Variants in IQSEC1 observed in about 807,000 individuals in gnomAD.
IQSEC1 encodes the protein IQ motif and SEC7 domain-containing protein 1.
In IQSEC1, 31 loss-of-function variants were observed where a neutral mutation model predicts 91.0. The ratio of observed to expected loss-of-function variants is 0.34; its 90% CI spans 0.26 to 0.46. The LOEUF is 0.46. IQSEC1 is among the 20% of genes least tolerant of loss of function. IQSEC1 has a pLI of 1.00. For missense variants in IQSEC1, 1,388 were observed against 1,575.6 expected, an observed-to-expected ratio of 0.88 and a Z score of 2.02; for synonymous variants, 699 against 662.6, an observed-to-expected ratio of 1.05 and a Z score of -0.84.
chr3:13,251,846 G>T (rs1474571704), intron 1 of IQSEC1, among the ~76,000 whole-genome samples: 1 of 152,200 alleles, frequency 6.6e-6, no homozygotes, highest in Non-Finnish European at 1.5e-5. Flanking sequence ...AGAATTAGAG[G>T]CCAGGCAGGA....
Position 12,962,118 on chromosome 3 carries a change from G to A in IQSEC1, c.24-20253C>T, listed in dbSNP as rs118075831. ...ACGCCAGGGCTCTAGGGAGGCAGAC[G>A]ACCAACGGTCAATCAGGGCCAGTTC... is the stretch of plus-strand genomic sequence containing the variant. On this transcript the variant is annotated intron_variant, in intron 1 of 13. Transcript: ENST00000613206. 2.5e-4 allele frequency among the ~76,000 whole-genome samples: 38 copies of A among 152,326 alleles called. 1 individual carries two copies. The East Asian group carries it at 4.0e-3, about 16-fold the overall frequency.
At chr3:12,925,504 C>T (rs1697044086) in intron 3 of IQSEC1, among the ~76,000 whole-genome samples, 1 of 152,228 alleles carries the variant, frequency 6.6e-6, no homozygotes, top group Non-Finnish European at 1.5e-5. Flanking sequence ...CAACGACGCA[C>T]TCAGTAAGCA....
At chr3:13,080,195 T>C (rs1343881244) in intron 2 of IQSEC1, among the ~76,000 whole-genome samples, 6 of 152,052 alleles carry the variant, frequency 3.9e-5, no homozygotes, top group African/African-American at 7.2e-5. Context: ...GATCCCCTCA[T>C]GGGGGAAGGA....
chr3:13,169,903 T>C (rs1303068787), intron 1 of IQSEC1, among the ~76,000 whole-genome samples: 1 of 152,072 alleles, frequency 6.6e-6, no homozygotes, highest in Non-Finnish European at 1.5e-5. Context: ...AGCCTGACAA[T>C]GAGATAGAAA....
intron 1 of IQSEC1, among the ~76,000 whole-genome samples, chr3:13,037,593 G>C (rs1318049353): frequency 6.6e-6 from 1 of 152,152 alleles, no homozygotes; most frequent in Admixed American, 6.5e-5. Flanking sequence ...ACACAATAGT[G>C]AACAGGTGGG....
intron 2 of IQSEC1, among the ~76,000 whole-genome samples, chr3:13,125,608 C>T (rs760397908): frequency 6.6e-6 from 1 of 152,226 alleles, no homozygotes; most frequent in Non-Finnish European, 1.5e-5. Flanking sequence ...CTCTTAGAAG[C>T]TGTGTCCTTG....
At chr3:13,076,580 C>T (rs1559250254), upstream of IQSEC1, among the ~76,000 whole-genome samples, 1 of 152,146 alleles carries the variant, frequency 6.6e-6, no homozygotes, top group Non-Finnish European at 1.5e-5. Flanking sequence ...CAGAGCTCTT[C>T]AAGGCAGGGA....
At chr3:12,946,525 C>T (rs7645581) in intron 1 of IQSEC1, among the ~76,000 whole-genome samples, 5,114 of 152,200 alleles carry the variant, frequency 0.034, 273 homozygotes, top group African/African-American at 0.12. Flanking sequence ...GCAGTACATA[C>T]GAGGATGTCC....
intron 2 of IQSEC1, among the ~76,000 whole-genome samples, chr3:13,082,781 C>T (rs1480748252): frequency 1.3e-5 from 2 of 152,224 alleles, no homozygotes; most frequent in African/African-American, 2.4e-5. Context: ...GCGGACGCCT[C>T]CCCCTGCCCC....
intron 1 of IQSEC1, among the ~76,000 whole-genome samples, chr3:13,066,460 T>G (rs1386419155): frequency 6.6e-6 from 1 of 152,142 alleles, no homozygotes; most frequent in Non-Finnish European, 1.5e-5. Context: ...CCCATTTGCC[T>G]GGGGGAGTCA....
chr3:12,989,009 A>G (rs1377843296), intron 1 of IQSEC1, among the ~76,000 whole-genome samples: 1 of 152,266 alleles, frequency 6.6e-6, no homozygotes, highest in African/African-American at 2.4e-5. Flanking sequence ...AGCAGGGCCA[A>G]GACTAGAATC....
At chr3:12,978,150 G>A (rs900834966) in intron 1 of IQSEC1, among the ~76,000 whole-genome samples, 8 of 152,194 alleles carry the variant, frequency 5.3e-5, no homozygotes, top group African/African-American at 1.4e-4. Flanking sequence ...TACAAGGTGC[G>A]GATTGTTTTC....
intron 1 of IQSEC1, among the ~76,000 whole-genome samples, chr3:13,260,060 C>G (rs925487731): frequency 1.3e-5 from 2 of 152,180 alleles, no homozygotes; most frequent in African/African-American, 2.4e-5. Flanking sequence ...CAGGAAGCAG[C>G]CTTGGCTCAC....
rs776467062 is a variant in IQSEC1, at chr3:12,913,472, C to T, written c.2272G>A (p.Gly758Arg). 2.6e-5 allele frequency: 42 copies of T among 1,606,920 alleles called. No individual in the cohort carries two copies. Among genetic ancestry groups the T allele is most frequent in the Non-Finnish European group, 3.1e-5 (37 of 1,175,726 alleles). The part of the protein sequence containing the change: ...VPDPNKPQKL[G>R]LHQREIFLFN... Reference sequence around the variant, plus strand: ...AGGAAGATTTCTCGCTGGTGTAGTCCGAGTTTCTGGGGCTTGTTTGGGTCT... The same window carrying T: ...AGGAAGATTTCTCGCTGGTGTAGTCTGAGTTTCTGGGGCTTGTTTGGGTCT... The change falls in exon 9 of 14, where the codon GGA (glycine) becomes AGA (arginine). Residue 758 changes from glycine (G) to arginine (R), a missense_variant. Gly to Arg is a moderately radical substitution (Grantham distance 125). Coordinates refer to ENST00000613206, the MANE Select transcript of IQSEC1 (RefSeq NM_001134382.3).
At chr3:12,954,905 T>C (rs2017524) in intron 1 of IQSEC1, among the ~76,000 whole-genome samples, 144,398 of 152,298 alleles carry the variant, frequency 0.95, 68,551 homozygotes, top group East Asian at 1. Context: ...GAACGGGTCC[T>C]CAGTGCCAAG....
intron 2 of IQSEC1, among the ~76,000 whole-genome samples, chr3:13,121,689 C>A (rs1706426273): frequency 6.6e-6 from 1 of 152,214 alleles, no homozygotes; most frequent in Non-Finnish European, 1.5e-5. Context: ...AGCCTGGCCA[C>A]TGACTGTGAG....
At chr3:13,251,595 G>T (rs1280309901) in intron 1 of IQSEC1, among the ~76,000 whole-genome samples, 1 of 152,194 alleles carries the variant, frequency 6.6e-6, no homozygotes, top group Admixed American at 6.5e-5. Flanking sequence ...TTACACAGTG[G>T]CATCCAAAAG....
At chr3:13,005,977 C>T (rs1444042012) in intron 1 of IQSEC1, among the ~76,000 whole-genome samples, 1 of 152,234 alleles carries the variant, frequency 6.6e-6, no homozygotes, top group East Asian at 1.9e-4. Context: ...ATATGAGCAA[C>T]TTAAGGGCTC....
Position 13,124,863 on chromosome 3 carries a change from G to A in IQSEC1, c.302+39241C>T, listed in dbSNP as rs144917472. 5.3e-5 allele frequency among the ~76,000 whole-genome samples: 8 copies of A among 152,226 alleles called. No homozygotes were observed. In the East Asian group the frequency reaches 1.4e-3, roughly 26 times the overall value. The stretch of plus-strand genomic sequence containing the variant: ...CCCCACACAGCACCTGCCAGCAGTC[G>A]TTCAGCATTATGGTGAGGGTAGGTC... On this transcript the variant is annotated intron_variant, in intron 2 of 15. Transcript: ENST00000648114.
Sources: gnomAD v4.1 joint callset for allele counts (sites outside exome capture counted in the v4.1 genomes callset) on GRCh38, gnomAD v4.1.1 for gene constraint, MANE v1.5 for transcripts, NCBI Gene and HGNC (gene_info 2026-07-23, HGNC 2026-07-21) for gene names.